DNAJC18: variants seen among roughly 807,000 people sequenced by gnomAD.
DNAJC18 encodes dnaJ homolog subfamily C member 18.
A neutral mutation model predicts 48.6 loss-of-function variants in DNAJC18; 40 were observed. The ratio of observed to expected loss-of-function variants is 0.82; its 90% CI spans 0.64 to 1.07. DNAJC18 has a LOEUF of 1.07. DNAJC18 is among the 50% of genes least tolerant of loss of function. The pLI is 0.00. For synonymous variants in DNAJC18, 135 were observed against 152.2 expected, an observed-to-expected ratio of 0.89 and a Z score of 0.83; for missense variants, 340 against 427.7, an observed-to-expected ratio of 0.79 and a Z score of 1.81.
In DNAJC18 at chr5:139,413,816, G is replaced by A. The variant is rs543958559; in HGVS notation, c.*332C>T. ...GGTTCTTAAGACTTCACTGAAGAAGGGAAGAAGGAAGAAAGCATGGATCTG... is the reference window on the plus strand; with the variant it reads ...GGTTCTTAAGACTTCACTGAAGAAGAGAAGAAGGAAGAAAGCATGGATCTG... On this transcript the variant is annotated 3_prime_UTR_variant, in exon 8 of 8. Coordinates refer to ENST00000302060, the MANE Select transcript of DNAJC18 (RefSeq NM_152686.4). The A allele has an allele frequency of 9.1e-4, 192 of 211,416 alleles. 1 individual carries two copies. The highest frequency in any genetic ancestry group is 4.2e-3 in the African/African-American group (184 of 43,548). 13.1% of individuals were successfully genotyped at this position (211,416 alleles called of 1,614,324 possible). A position where few individuals can be genotyped will look rare whatever the true frequency, so the allele number is the denominator to read the frequency against.
intron 2 of DNAJC18, among the ~76,000 whole-genome samples, chr5:139,432,199 T>C (rs923170487): frequency 3.3e-5 from 5 of 152,158 alleles, no homozygotes; most frequent in African/African-American, 1.2e-4. Flanking sequence ...AGTTTCACTC[T>C]TGTCATCTAG....
chr5:139,439,118 A>G lies in DNAJC18; in HGVS notation c.40+288T>C, dbSNP rs1181761270. 6.7e-6 allele frequency among the ~76,000 whole-genome samples: 1 copy of G among 148,248 alleles called. No homozygotes were observed. Among genetic ancestry groups the G allele is most frequent in the Non-Finnish European group, 1.5e-5 (1 of 67,054 alleles). ...GACCGCAGCACCCCACGGGCCCTCC[A>G]GTCACCTTGGCATGGGCGGGGCCTG... is the stretch of plus-strand genomic sequence containing the variant. On this transcript the variant is annotated intron_variant, in intron 1 of 7. Transcript: ENST00000302060. The surrounding 1 kb of genome is among the most constrained non-coding windows in gnomAD (Gnocchi z 4.1).
intron 7 of DNAJC18, among the ~76,000 whole-genome samples, chr5:139,417,802 G>C (rs1276325964): frequency 1.3e-5 from 2 of 152,096 alleles, no homozygotes; most frequent in Admixed American, 1.3e-4. Context: ...TCGAACTCCG[G>C]ACCTCAGGTG....
chr5:139,417,187 CAAA>C (rs57657416), intron 7 of DNAJC18, among the ~76,000 whole-genome samples: 40 of 109,590 alleles, frequency 3.6e-4, no homozygotes, highest in Non-Finnish European at 4.1e-4. Context: ...GAGACTCTGT[CAAA>C]AAAAAAAAAA....
chr5:139,421,723 C>G (rs13181201), intron 6 of DNAJC18, among the ~76,000 whole-genome samples: 86,297 of 151,736 alleles, frequency 0.57, 26,525 homozygotes, highest in Non-Finnish European at 0.7. Context: ...CACATGAATT[C>G]CTTGAACCAG....
Position 139,411,662 on chromosome 5 carries a change from A to T in DNAJC18, c.*2486T>A, listed in dbSNP as rs1175456536. On this transcript the variant is annotated 3_prime_UTR_variant, in exon 8 of 8. Transcript: ENST00000302060. ...AAAACAGATGTGAATGTTGTGGTCT[A>T]TTGGCAATAAATAAAACAGTACCAT... is the stretch of plus-strand genomic sequence containing the variant. 1 of 152,262 alleles carries T rather than the reference A, an allele frequency of 6.6e-6. No homozygotes were observed. The highest frequency in any genetic ancestry group is 1.5e-5 in the Non-Finnish European group (1 of 68,050). 9.4% of individuals were successfully genotyped at this position (152,262 alleles called of 1,614,324 possible).
Position 139,428,693 on chromosome 5 carries a change from A to G in DNAJC18, c.228-10T>C. 6.2e-7 allele frequency: 1 copy of G among 1,608,586 alleles called. No individual in the cohort carries two copies. On this transcript the variant is annotated splice_polypyrimidine_tract_variant and intron_variant, in intron 2 of 7. Coordinates refer to ENST00000302060, the MANE Select transcript of DNAJC18 (RefSeq NM_152686.4). ...TCTGCATTTCTTGATCCTAAAAAAA[A>G]TCACAAGCATGTATGTCTATAAAGG...
At position 139,437,509 on chromosome 5, in the gene DNAJC18, A is replaced by C. The variant is rs1201991834; in HGVS notation, c.90T>G (p.Pro30=). 1 of 1,613,990 alleles carries C rather than the reference A, an allele frequency of 6.2e-7. No individual in the cohort carries two copies. Among genetic ancestry groups the C allele is most frequent in the Non-Finnish European group, 8.5e-7 (1 of 1,179,978 alleles). Residue 30 remains proline, a synonymous_variant, in exon 2 of 8, where the codon CCT becomes CCG. Coordinates refer to ENST00000302060, the MANE Select transcript of DNAJC18 (RefSeq NM_152686.4). The part of the protein sequence containing the change: ...RRNKYPEDTP[P]ESHDPCGCCN... The stretch of plus-strand genomic sequence containing the variant: ...AGCAGCCACAGGGGTCATGACTCTC[A>C]GGAGGTGTGTCTTCTGGGTATTTGT...
intron 3 of DNAJC18, among the ~76,000 whole-genome samples, chr5:139,426,588 G>A (rs542907255): frequency 1.3e-5 from 2 of 152,328 alleles, no homozygotes; most frequent in East Asian, 3.9e-4. Context: ...TTCTGCTGCA[G>A]TGAGTTAACT....
At chr5:139,414,400 T>G in intron 7 of DNAJC18, 128 bp from the exon 8 acceptor site, 1 of 1,335,264 alleles carries the variant, frequency 7.5e-7, no homozygotes, top group South Asian at 1.6e-5. Context: ...TAAGAAACAT[T>G]TAGTCATTTA....
At chr5:139,426,482 A>G in intron 3 of DNAJC18, 125 bp from the exon 4 acceptor site, 1 of 1,162,532 alleles carries the variant, frequency 8.6e-7, no homozygotes, top group East Asian at 2.4e-5. Flanking sequence ...GCCCAAGAAG[A>G]GATGCTTGGG....
rs531079383 is a variant in DNAJC18 at position 139,438,182 on chromosome 5, G to A, written c.41-624C>T. Reference sequence around the variant, plus strand: ...ATACAACAAATTAGCCGGGCGTGGTGGCAGGCGCCTGTAGTCCCAGCTACT... The same window carrying A: ...ATACAACAAATTAGCCGGGCGTGGTAGCAGGCGCCTGTAGTCCCAGCTACT... On this transcript the variant is annotated intron_variant, in intron 1 of 7. Coordinates refer to ENST00000302060, the MANE Select transcript of DNAJC18 (RefSeq NM_152686.4). 6.3e-4 allele frequency among the ~76,000 whole-genome samples: 94 copies of A among 150,332 alleles called. 4 individuals carry two copies. The highest frequency in any genetic ancestry group is 2.1e-3 in the African/African-American group (84 of 39,748).
chr5:139,435,347 C>T (rs925121088), intron 2 of DNAJC18, among the ~76,000 whole-genome samples: 1 of 150,756 alleles, frequency 6.6e-6, no homozygotes, highest in Admixed American at 6.6e-5. Context: ...AGCAAGAATC[C>T]GTCTCAAAAA....
intron 5 of DNAJC18, among the ~76,000 whole-genome samples, chr5:139,424,113 G>A (rs943518126): frequency 6.6e-6 from 1 of 152,118 alleles, no homozygotes; most frequent in Non-Finnish European, 1.5e-5. Context: ...TTCACTTCTG[G>A]GTCATCACTT....
intron 5 of DNAJC18, 85 bp downstream of exon 5, chr5:139,424,920 C>A: frequency 8.8e-7 from 1 of 1,137,830 alleles, no homozygotes; most frequent in Non-Finnish European, 1.3e-6. Context: ...ATCTCAGGTT[C>A]AACTTCTAAA....
At chr5:139,432,491 G>T (rs1231948560) in intron 2 of DNAJC18, among the ~76,000 whole-genome samples, 3 of 150,690 alleles carry the variant, frequency 2.0e-5, no homozygotes, top group Admixed American at 1.3e-4. Flanking sequence ...TTAGAGACAG[G>T]GTAGGGTCCC....
In DNAJC18 at chr5:139,439,468, C is replaced by T. The variant is rs759754489; in HGVS notation, c.-23G>A. 1.4e-5 allele frequency: 23 copies of T among 1,613,742 alleles called. No homozygotes were observed. Among genetic ancestry groups the T allele is most frequent in the East Asian group, 2.2e-5 (1 of 44,882 alleles). ...CATATCGGTTCCCAATCAGCAGGTC[C>T]GCCGAGCCTCCCCCGTGCCCGAGGC... is the stretch of plus-strand genomic sequence containing the variant. On this transcript the variant is annotated 5_prime_UTR_variant, in exon 1 of 8. Transcript: ENST00000302060. The surrounding 1 kb of genome is among the most constrained non-coding windows in gnomAD (Gnocchi z 4.1).
intron 4 of DNAJC18, among the ~76,000 whole-genome samples, chr5:139,425,417 G>A (rs560332254): frequency 6.6e-6 from 1 of 152,284 alleles, no homozygotes; most frequent in African/African-American, 2.4e-5. Flanking sequence ...ACCTACCTTG[G>A]CCTCCCAAAG....
intron 7 of DNAJC18, among the ~76,000 whole-genome samples, chr5:139,418,110 G>A (rs188817872): frequency 2.5e-4 from 38 of 152,274 alleles, no homozygotes; most frequent in Non-Finnish European, 5.9e-5. Context: ...AGCCCTCCCA[G>A]GACCCAGACA....
Sources: gnomAD v4.1 joint callset for allele counts (sites outside exome capture counted in the v4.1 genomes callset) on GRCh38, gnomAD v4.1.1 for gene constraint, Gnocchi (gnomAD v3.1) non-coding constraint, MANE v1.5 for transcripts, NCBI Gene and HGNC (gene_info 2026-07-23, HGNC 2026-07-21) for gene names.